The following KCNT2 variants were observed in gnomAD, a reference collection of about 807,000 sequenced individuals.
The protein encoded by KCNT2 is potassium sodium-activated channel subfamily T member 2.
Under a neutral mutation model 153.8 loss-of-function variants are expected in KCNT2, and 67 were observed. The observed-to-expected ratio is 0.44, with a 90% CI of 0.36 to 0.53. KCNT2 has a LOEUF of 0.53. Ranked by LOEUF, KCNT2 falls within the 20% of genes least tolerant of loss-of-function variation. KCNT2 has a pLI of 0.00. For synonymous variants in KCNT2, 500 were observed against 458.8 expected (o/e 1.09, Z -1.15); for missense variants, 975 against 1,354.8 (o/e 0.72, Z 4.40).
chr1:196,251,660 A>G (rs1249068503), intron 26 of KCNT2, among the ~76,000 whole-genome samples: 1 of 152,104 alleles, frequency 6.6e-6, no homozygotes, highest in South Asian at 2.1e-4. Context: ...AAATATAATT[A>G]GATAGAATAA....
At chr1:196,468,667 AT>A (rs964228708) in intron 6 of KCNT2, among the ~76,000 whole-genome samples, 8 of 152,062 alleles carry the variant, frequency 5.3e-5, no homozygotes, top group Non-Finnish European at 1.2e-4. Flanking sequence ...CAATTGGCTT[AT>A]TTTTTTAAAA....
intron 13 of KCNT2, among the ~76,000 whole-genome samples, chr1:196,380,295 A>AT (rs199753859): frequency 0.058 from 8,775 of 152,258 alleles, 391 homozygotes; most frequent in Non-Finnish European, 0.085. Flanking sequence ...AATGTCTGTC[A>AT]TTTTCAGTTT....
At chr1:196,326,911 T>A (rs373535600) in intron 18 of KCNT2, 22 bp from the exon 19 acceptor site, 2 of 1,414,930 alleles carry the variant, frequency 1.4e-6, no homozygotes, top group African/African-American at 3.0e-5. Context: ...AAAGTATACA[T>A]TGAAATGCCA....
At chr1:196,299,490 A>G (rs1660981440) in intron 22 of KCNT2, among the ~76,000 whole-genome samples, 1 of 152,132 alleles carries the variant, frequency 6.6e-6, no homozygotes, top group South Asian at 2.1e-4. Flanking sequence ...AAAACAACAA[A>G]ATGCTCAACA....
chr1:196,583,955 A>C (rs1662359651), intron 1 of KCNT2, among the ~76,000 whole-genome samples: 1 of 152,044 alleles, frequency 6.6e-6, no homozygotes. Flanking sequence ...GAACACTGAA[A>C]GGACAAGTTA....
At chr1:196,402,718 G>T (rs1449173521) in intron 12 of KCNT2, among the ~76,000 whole-genome samples, 1 of 151,460 alleles carries the variant, frequency 6.6e-6, no homozygotes, top group Non-Finnish European at 1.5e-5. Flanking sequence ...GAAACACAAA[G>T]ATGTAGATAG....
In KCNT2 at chr1:196,258,270, C is replaced by T; in HGVS notation, c.3135G>A (p.Arg1045=). The change falls in exon 26 of 28, where the codon AGG becomes AGA. Residue 1045 remains arginine (R), a synonymous_variant. Coordinates refer to ENST00000294725, the MANE Select transcript of KCNT2 (RefSeq NM_198503.5). ...CAGCAAGCTCTTGTCTTTCTGACCT[C>T]CTGTAGAGGTTCAGTCGCTGCTGGG... The part of the protein sequence containing the change: ...KITQQRLNLY[R]RSERQELAEL... The T allele has an allele frequency of 1.9e-6, 3 of 1,614,068 alleles. No homozygotes were observed. Among genetic ancestry groups the T allele is most frequent in the Non-Finnish European group, 1.7e-6 (2 of 1,179,974 alleles).
chr1:196,297,541 T>A (rs986864288), intron 22 of KCNT2, among the ~76,000 whole-genome samples: 1 of 152,182 alleles, frequency 6.6e-6, no homozygotes, highest in African/African-American at 2.4e-5. Flanking sequence ...GACAAATTTA[T>A]ACATTAAGAT....
chr1:196,596,056 G>GTATATATATATATATATATATA (rs1174131733), intron 1 of KCNT2, among the ~76,000 whole-genome samples: 7 of 4,338 alleles, frequency 1.6e-3, no homozygotes, highest in African/African-American at 1.9e-3. Context: ...TCCATGATGT[G>GTATATATATATATATATATATA]TATATATATA....
intron 1 of KCNT2, among the ~76,000 whole-genome samples, chr1:196,556,658 A>G (rs887524490): frequency 2.6e-5 from 4 of 151,472 alleles, no homozygotes; most frequent in African/African-American, 9.7e-5. Flanking sequence ...GGGAATCAGT[A>G]TATTGGAGAT....
At chr1:196,511,988 CTT>C (rs1233318216) in intron 1 of KCNT2, among the ~76,000 whole-genome samples, 1 of 152,160 alleles carries the variant, frequency 6.6e-6, no homozygotes, top group Non-Finnish European at 1.5e-5. Flanking sequence ...TTTCTCATCT[CTT>C]ATACTTTCTT....
chr1:196,317,107 T>C, intron 20 of KCNT2: 1 of 252,516 alleles, frequency 4.0e-6, no homozygotes, highest in Non-Finnish European at 8.3e-6. Flanking sequence ...TAGAGGGAAT[T>C]ATTTTCCTTT....
In KCNT2 at chr1:196,539,084, G is replaced by A. The variant is rs186949691; in HGVS notation, c.96-46743C>T. Among the ~76,000 whole-genome samples the A allele has an allele frequency of 1.9e-3, 286 of 152,098 alleles. 1 individual carries two copies. The highest frequency in any genetic ancestry group is 6.7e-3 in the African/African-American group (279 of 41,506). ...GTTATTAAATACCTTCTCGAAGACA[G>A]AAATCAGAAATGAACACAAAAAATA... is the stretch of plus-strand genomic sequence containing the variant. On this transcript the variant is annotated intron_variant, in intron 1 of 27. Transcript: ENST00000294725.
chr1:196,437,687 T>C (rs1332418604), intron 8 of KCNT2, among the ~76,000 whole-genome samples: 1 of 150,964 alleles, frequency 6.6e-6, no homozygotes, highest in Non-Finnish European at 1.5e-5. Context: ...CAAAAATACC[T>C]ATAAATTTTA....
chr1:196,270,002 T>C (rs1040413164), intron 25 of KCNT2, among the ~76,000 whole-genome samples: 2 of 152,128 alleles, frequency 1.3e-5, no homozygotes, highest in Non-Finnish European at 2.9e-5. Flanking sequence ...ATGTCACTAA[T>C]ACTATTTTTT....
At chr1:196,603,946 G>A (rs1277183006) in intron 1 of KCNT2, among the ~76,000 whole-genome samples, 1 of 152,238 alleles carries the variant, frequency 6.6e-6, no homozygotes, top group Non-Finnish European at 1.5e-5. Flanking sequence ...AACTGCAGGA[G>A]AATACTCTAA....
intron 19 of KCNT2, among the ~76,000 whole-genome samples, chr1:196,325,057 C>G (rs1192876968): frequency 1.3e-5 from 2 of 152,054 alleles, no homozygotes; most frequent in East Asian, 3.9e-4. Context: ...AATAAGGTTA[C>G]CTAGCAAGAC....
chr1:196,587,223 A>G (rs970930012), intron 1 of KCNT2, among the ~76,000 whole-genome samples: 2 of 152,088 alleles, frequency 1.3e-5, no homozygotes, highest in African/African-American at 4.8e-5. Flanking sequence ...TTTAGCAGTA[A>G]TTATTACCTA....
intron 4 of KCNT2, among the ~76,000 whole-genome samples, chr1:196,481,563 A>G (rs1679024474): frequency 6.6e-6 from 1 of 152,178 alleles, no homozygotes; most frequent in Non-Finnish European, 1.5e-5. Flanking sequence ...CCAATCTCCA[A>G]TTCTTTCTGA....
Sources: gnomAD v4.1 joint callset for allele counts (sites outside exome capture counted in the v4.1 genomes callset) on GRCh38, gnomAD v4.1.1 for gene constraint, MANE v1.5 for transcripts, NCBI Gene and HGNC (gene_info 2026-07-23, HGNC 2026-07-21) for gene names.